KCNH1: variants seen among roughly 807,000 people sequenced by gnomAD.
KCNH1 encodes potassium voltage-gated channel subfamily H member 1, also known as voltage-gated delayed rectifier potassium channel KCNH1.
KCNH1 carries 27 observed loss-of-function variants against 69.2 expected under a neutral mutation model. The ratio of observed to expected loss-of-function variants is 0.39; its 90% CI spans 0.29 to 0.54. KCNH1 has a LOEUF of 0.54. Ranked by LOEUF, KCNH1 falls within the 20% of genes least tolerant of loss-of-function variation. KCNH1 has a pLI of 0.68. For missense variants in KCNH1, 798 were observed against 1,261.6 expected, an observed-to-expected ratio of 0.63 and a Z score of 5.57; for synonymous variants, 456 against 487.7, an observed-to-expected ratio of 0.93 and a Z score of 0.86.
At chr1:210,969,329 C>T (rs4951694) in intron 6 of KCNH1, among the ~76,000 whole-genome samples, 44,750 of 151,762 alleles carry the variant, frequency 0.29, 7,732 homozygotes, top group East Asian at 0.46. Flanking sequence ...AAAAACTTTA[C>T]ATATAAAAAC....
At chr1:210,859,924 T>C (rs1685939503) in intron 7 of KCNH1, 12 of 1,462,830 alleles carry the variant, frequency 8.2e-6, no homozygotes, top group Admixed American at 1.7e-5. Context: ...AAAGCTGCAA[T>C]TGCAACTTGC....
intron 3 of KCNH1, among the ~76,000 whole-genome samples, chr1:211,094,516 A>C (rs1160331892): frequency 1.3e-5 from 2 of 152,182 alleles, no homozygotes; most frequent in Admixed American, 6.5e-5. Flanking sequence ...CTGTTTCTTT[A>C]AATAGATCAT....
chr1:210,735,022 A>G (rs188111261), intron 10 of KCNH1, among the ~76,000 whole-genome samples: 20 of 152,208 alleles, frequency 1.3e-4, no homozygotes, highest in African/African-American at 4.8e-4. Flanking sequence ...TTCTCCCTGC[A>G]GTCCGTCATG....
chr1:210,835,058 A>G (rs534344872), intron 7 of KCNH1, among the ~76,000 whole-genome samples: 1 of 152,300 alleles, frequency 6.6e-6, no homozygotes, highest in African/African-American at 2.4e-5. Flanking sequence ...AACTGGACTG[A>G]TGATCTTCAG....
intron 9 of KCNH1, among the ~76,000 whole-genome samples, chr1:210,786,548 A>G (rs1360686127): frequency 6.6e-6 from 1 of 151,572 alleles, no homozygotes; most frequent in Admixed American, 6.6e-5. Flanking sequence ...TGTGTTCTAG[A>G]CTTTGTTGCT....
chr1:210,792,405 AT>A (rs1684228155), intron 9 of KCNH1, among the ~76,000 whole-genome samples: 1 of 152,146 alleles, frequency 6.6e-6, no homozygotes, highest in Non-Finnish European at 1.5e-5. Flanking sequence ...ATTGCATTCC[AT>A]TCAGAAAATA....
intron 10 of KCNH1, among the ~76,000 whole-genome samples, chr1:210,704,821 A>C (rs1681867905): frequency 6.6e-6 from 1 of 152,192 alleles, no homozygotes; most frequent in Non-Finnish European, 1.5e-5. Context: ...CCACTGGCTC[A>C]CTCTTTCACA....
chr1:210,978,480 G>C (rs986713762), intron 6 of KCNH1, among the ~76,000 whole-genome samples: 1 of 152,138 alleles, frequency 6.6e-6, no homozygotes, highest in Non-Finnish European at 1.5e-5. Flanking sequence ...CTCTGAGTGT[G>C]AGTCACACAT....
At chr1:210,774,558 A>G (rs1005537402) in intron 10 of KCNH1, among the ~76,000 whole-genome samples, 4 of 152,174 alleles carry the variant, frequency 2.6e-5, no homozygotes, top group African/African-American at 9.7e-5. Flanking sequence ...TTATGAGGTC[A>G]TTTTAGGAAA....
chr1:210,737,670 C>T (rs1682913556), intron 10 of KCNH1, among the ~76,000 whole-genome samples: 1 of 152,214 alleles, frequency 6.6e-6, no homozygotes, highest in South Asian at 2.1e-4. Context: ...CTCCATCCTC[C>T]AAAAGTCCTC....
chr1:210,958,617 C>CT (rs1199035500), intron 6 of KCNH1, among the ~76,000 whole-genome samples: 5 of 152,166 alleles, frequency 3.3e-5, no homozygotes, highest in African/African-American at 7.2e-5. Flanking sequence ...TCTTTTTACT[C>CT]TTTTTTCTCT....
chr1:210,997,530 G>T (rs561094932), intron 6 of KCNH1, among the ~76,000 whole-genome samples: 13 of 152,168 alleles, frequency 8.5e-5, no homozygotes, highest in African/African-American at 3.1e-4. Flanking sequence ...CCAAATCTAC[G>T]TCTGATTGGT....
intron 10 of KCNH1, among the ~76,000 whole-genome samples, chr1:210,729,288 G>T (rs1035496113): frequency 2.6e-5 from 4 of 152,128 alleles, no homozygotes; most frequent in African/African-American, 9.7e-5. Flanking sequence ...TCCTCCTGCT[G>T]ACCCAAACTT....
intron 6 of KCNH1, among the ~76,000 whole-genome samples, chr1:210,956,045 T>C (rs534577548): frequency 7.2e-4 from 109 of 152,176 alleles, no homozygotes; most frequent in Non-Finnish European, 1.3e-3. Context: ...GGGTTTGTCA[T>C]AGATAGCTCT....
chr1:210,859,810 T>C (rs1685937038), intron 7 of KCNH1: 4 of 1,043,058 alleles, frequency 3.8e-6, no homozygotes, highest in Non-Finnish European at 6.1e-6. Flanking sequence ...CAAGAAACAG[T>C]CAACATCATT....
chr1:210,695,422 A>G (rs963267495), intron 10 of KCNH1, among the ~76,000 whole-genome samples: 3 of 152,194 alleles, frequency 2.0e-5, no homozygotes, highest in Admixed American at 6.5e-5. Flanking sequence ...GACCTGGACC[A>G]TTTCTAACCT....
At chr1:210,902,418 C>T (rs1369933347) in intron 7 of KCNH1, among the ~76,000 whole-genome samples, 1 of 152,218 alleles carries the variant, frequency 6.6e-6, no homozygotes, top group East Asian at 1.9e-4. Flanking sequence ...CCAAAAACAC[C>T]ATCTGGTGAC....
chr1:210,882,549 G>T (rs1686519278), intron 7 of KCNH1, among the ~76,000 whole-genome samples: 1 of 152,098 alleles, frequency 6.6e-6, no homozygotes, highest in African/African-American at 2.4e-5. Context: ...GCCAGAACAG[G>T]CTCACATGAC....
At chr1:210,867,433 C>A (rs1204604564) in intron 7 of KCNH1, among the ~76,000 whole-genome samples, 1 of 151,572 alleles carries the variant, frequency 6.6e-6, no homozygotes, top group Non-Finnish European at 1.5e-5. Context: ...TAGAAAACCA[C>A]CCACAGATAC....
Sources: allele counts gnomAD v4.1 joint callset (sites outside exome capture counted in the v4.1 genomes callset), GRCh38; gene constraint gnomAD v4.1.1; transcripts MANE v1.5; gene names NCBI Gene and HGNC (gene_info 2026-07-23, HGNC 2026-07-21).